The following PPT1 variants were observed in gnomAD, a reference collection of about 807,000 sequenced individuals.
PPT1 encodes the protein palmitoyl-protein thioesterase 1.
A neutral mutation model predicts 44.0 loss-of-function variants in PPT1; 24 were observed. The observed-to-expected ratio is 0.54, with a 90% CI of 0.39 to 0.77. The LOEUF is 0.77. PPT1 is among the 30% of genes least tolerant of loss of function. PPT1 has a pLI of 0.00. For synonymous variants in PPT1, 148 were observed against 140.2 expected (o/e 1.06, Z -0.39); for missense variants, 341 against 378.8 (o/e 0.90, Z 0.83).
At chr1:40,090,978 C>T (rs1184484347) in intron 4 of PPT1, among the ~76,000 whole-genome samples, 1 of 152,196 alleles carries the variant, frequency 6.6e-6, no homozygotes, top group South Asian at 2.1e-4. Context: ...CTATTCTTTG[C>T]CTAAGCCTAA....
At chr1:40,075,184 A>G (rs1184283697) in intron 8 of PPT1, 1 of 152,288 alleles carries the variant, frequency 6.6e-6, no homozygotes, top group Non-Finnish European at 1.5e-5. Context: ...TGAACCCGGG[A>G]GGCGGAGGTT....
At chr1:40,080,742 C>T (rs1170370824) in intron 5 of PPT1, among the ~76,000 whole-genome samples, 2 of 152,180 alleles carry the variant, frequency 1.3e-5, no homozygotes. Flanking sequence ...GGCGCGGCGG[C>T]AGGCGCCTGT....
At chr1:40,094,380 T>C (rs1557715308) in intron 1 of PPT1, among the ~76,000 whole-genome samples, 1 of 152,196 alleles carries the variant, frequency 6.6e-6, no homozygotes, top group Non-Finnish European at 1.5e-5. Flanking sequence ...ACTGCTGATC[T>C]GACAGGAGGT....
chr1:40,074,339 ACTT>A (rs1319908761), intron 8 of PPT1, among the ~76,000 whole-genome samples, 156 bp from the exon 9 acceptor site: 2 of 149,704 alleles, frequency 1.3e-5, no homozygotes, highest in Non-Finnish European at 2.9e-5. Context: ...AATATCTCCT[ACTT>A]CTTTTTCTTT....
chr1:40,092,444 G>A lies in PPT1; in HGVS notation c.188C>T (p.Pro63Leu), dbSNP rs1649621888. The change falls in exon 2 of 9, where the codon CCT becomes CTT. Residue 63 changes from proline to leucine, a missense_variant. Physicochemically the swap from Pro to Leu is moderately conservative, Grantham distance 98. Transcript: ENST00000642050. ...AIKKMVEKKI[P>L]GIYVLSLEIG... ...CTCTAAAGATAAGACGTAAATTCCAGGTATTTTCTTCTCCACCATTTTTTT... is the reference window on the plus strand; with the variant it reads ...CTCTAAAGATAAGACGTAAATTCCAAGTATTTTCTTCTCCACCATTTTTTT... 1.2e-6 allele frequency: 2 copies of A among 1,613,760 alleles called. No individual in the cohort carries two copies. The highest frequency in any genetic ancestry group is 1.3e-5 in the African/African-American group (1 of 74,896).
rs1012813914 is a variant in PPT1, at chr1:40,073,721, A to C, written c.*340T>G. ...ACTTGGAAAAATGTTTGCCCTTAGA[A>C]TCTATCTCACTACTTTAGTTAGTTG... On this transcript the variant is annotated 3_prime_UTR_variant, in exon 9 of 9. Transcript: ENST00000642050. 6.0e-5 allele frequency: 17 copies of C among 285,250 alleles called. No homozygotes were observed. The highest frequency in any genetic ancestry group is 1.0e-4 in the Non-Finnish European group (15 of 146,670). 17.7% of individuals were successfully genotyped at this position (285,250 alleles called of 1,614,324 possible).
In PPT1 at chr1:40,074,120, C is replaced by T. The variant is rs749414998; in HGVS notation, c.862G>A (p.Asp288Asn). ...GQLVFLATEG[D>N]HLQLSEEWFY... ...CATTCTTCAGACAACTGAAGATGGTCCCCTTCTGTAGCCAGAAACACTAGC... is the reference window on the plus strand; with the variant it reads ...CATTCTTCAGACAACTGAAGATGGTTCCCTTCTGTAGCCAGAAACACTAGC... Residue 288 changes from aspartate to asparagine, a missense_variant, in exon 9 of 9, where the codon GAC becomes AAC. Transcript: ENST00000642050. The T allele has an allele frequency of 6.2e-7, 1 of 1,614,164 alleles. No homozygotes were observed. The highest frequency in any genetic ancestry group is 1.3e-5 in the African/African-American group (1 of 75,044).
At chr1:40,078,838 T>C (rs530017413) in intron 6 of PPT1, 180 bp from the exon 7 acceptor site, 2 of 634,370 alleles carry the variant, frequency 3.2e-6, no homozygotes, top group African/African-American at 1.8e-5. Context: ...TTTCTTTTTT[T>C]CTAAAAAACA....
chr1:40,078,838 T>A, intron 6 of PPT1, 180 bp from the exon 7 acceptor site: 1 of 634,368 alleles, frequency 1.6e-6, no homozygotes, highest in Non-Finnish European at 3.0e-6. Flanking sequence ...TTTCTTTTTT[T>A]CTAAAAAACA....
At position 40,090,300 on chromosome 1, in the gene PPT1, C is replaced by T. The variant is rs917940934; in HGVS notation, c.434-788G>A. ...CCAAGTAGCAGGGACTACAGGTGTA[C>T]ACCACCATGTGCCCAGCTATCCTCC... On this transcript the variant is annotated intron_variant, in intron 4 of 8. Transcript: ENST00000642050. Among the ~76,000 whole-genome samples the T allele has an allele frequency of 3.9e-5, 6 of 152,266 alleles. No homozygotes were observed. The South Asian group carries it at 1.2e-3, about 32-fold the overall frequency.
chr1:40,090,684 G>T (rs911415227), intron 4 of PPT1, among the ~76,000 whole-genome samples: 25 of 152,120 alleles, frequency 1.6e-4, no homozygotes, highest in Admixed American at 1.6e-3. Flanking sequence ...AATTCCCATA[G>T]GACAGGCAGG....
At chr1:40,071,594 C>G (rs185160226), downstream of PPT1, 8 of 1,084,254 alleles carry the variant, frequency 7.4e-6, no homozygotes, top group African/African-American at 1.2e-4. Context: ...TGTATCAAGA[C>G]GGTTCTTTTC....
chr1:40,078,758 G>T, intron 6 of PPT1, 100 bp from the exon 7 acceptor site: 2 of 993,848 alleles, frequency 2.0e-6, no homozygotes, highest in Non-Finnish European at 3.2e-6. Context: ...CTGTGCCACT[G>T]TGTTTCTTCC....
chr1:40,091,433 T>C (rs775453430), intron 3 of PPT1, 34 bp from the exon 4 acceptor site: 2 of 1,552,710 alleles, frequency 1.3e-6, no homozygotes, highest in East Asian at 4.5e-5. Flanking sequence ...GCTCCGACTG[T>C]CAGATGGAAA....
chr1:40,089,185 C>T (rs770212643), intron 5 of PPT1, among the ~76,000 whole-genome samples: 8 of 149,858 alleles, frequency 5.3e-5, no homozygotes, highest in Non-Finnish European at 7.4e-5. Flanking sequence ...TACTCGGAGG[C>T]GGAGGCAGGA....
Position 40,092,386 on chromosome 1 carries a change from G to A in PPT1, c.234+12C>T. ...AGCAACCCTTCAAAGGAACAGCTGT[G>A]AAGCGCCTTACCTCCATCAGGGTCT... On this transcript the variant is annotated intron_variant, in intron 2 of 8. Coordinates refer to ENST00000642050, the MANE Select transcript of PPT1 (RefSeq NM_000310.4). The A allele has an allele frequency of 6.3e-7, 1 of 1,586,262 alleles. No homozygotes were observed. The highest frequency in any genetic ancestry group is 8.7e-7 in the Non-Finnish European group (1 of 1,154,620).
intron 6 of PPT1, chr1:40,078,872 G>A: frequency 1.9e-6 from 1 of 536,416 alleles, no homozygotes; most frequent in Non-Finnish European, 3.6e-6. Context: ...TAGATTCAGG[G>A]GGGTACATGT....
chr1:40,094,176 G>A (rs1157352563), intron 1 of PPT1, among the ~76,000 whole-genome samples: 1 of 152,162 alleles, frequency 6.6e-6, no homozygotes, highest in Non-Finnish European at 1.5e-5. Flanking sequence ...ACTAGGGTGA[G>A]GCAAATTAAG....
chr1:40,094,564 C>CCG (rs201961577), intron 1 of PPT1, among the ~76,000 whole-genome samples: 1 of 151,454 alleles, frequency 6.6e-6, no homozygotes, highest in Non-Finnish European at 1.5e-5. Flanking sequence ...TGAGTGCCTC[C>CCG]TTAAATTTGC....
Sources: gnomAD v4.1 joint callset for allele counts (sites outside exome capture counted in the v4.1 genomes callset) on GRCh38, gnomAD v4.1.1 for gene constraint, MANE v1.5 for transcripts, NCBI Gene and HGNC (gene_info 2026-07-23, HGNC 2026-07-21) for gene names.